The following KCNIP4 variants were observed in gnomAD, a reference collection of about 807,000 sequenced individuals.
KCNIP4 encodes the protein potassium voltage-gated channel interacting protein 4.
In KCNIP4, 12 loss-of-function variants were observed where a neutral mutation model predicts 34.0. The ratio of observed to expected loss-of-function variants is 0.35; its 90% CI spans 0.23 to 0.57. The LOEUF is 0.57. Among genes scored for constraint, KCNIP4 ranks in the 20% least tolerant of loss-of-function variants. KCNIP4 has a pLI of 0.83. For missense variants in KCNIP4, 238 were observed against 311.7 expected (o/e 0.76, Z 1.78); for synonymous variants, 124 against 102.2 (o/e 1.21, Z -1.29).
At chr4:21,497,695 C>T (rs6841093) in intron 1 of KCNIP4, among the ~76,000 whole-genome samples, 32,046 of 152,030 alleles carry the variant, frequency 0.21, 3,742 homozygotes, top group Non-Finnish European at 0.28. Flanking sequence ...ACCTTCAAAA[C>T]GGATGCCATA....
chr4:21,643,011 G>A (rs1746724466), intron 1 of KCNIP4, among the ~76,000 whole-genome samples: 1 of 152,108 alleles, frequency 6.6e-6, no homozygotes, highest in Non-Finnish European at 1.5e-5. Flanking sequence ...ATAAATAACT[G>A]TAACCTATTG....
intron 1 of KCNIP4, among the ~76,000 whole-genome samples, chr4:21,753,245 T>G (rs954384541): frequency 1.9e-4 from 29 of 152,302 alleles, no homozygotes; most frequent in Admixed American, 1.3e-4. Context: ...AAAAAAAATG[T>G]TCACTAAGTA....
chr4:21,359,564 C>T (rs531742778), intron 1 of KCNIP4, among the ~76,000 whole-genome samples: 85 of 152,186 alleles, frequency 5.6e-4, no homozygotes, highest in African/African-American at 2.0e-3. Flanking sequence ...AAACACTGTA[C>T]CCTGGTTCTC....
intron 1 of KCNIP4, among the ~76,000 whole-genome samples, chr4:21,761,818 T>C (rs975298971): frequency 6.6e-6 from 1 of 152,082 alleles, no homozygotes; most frequent in South Asian, 2.1e-4. Context: ...AAATTGCAAA[T>C]GACCTAAATG....
chr4:21,100,513 A>G (rs1257683534), intron 1 of KCNIP4, among the ~76,000 whole-genome samples: 4 of 152,118 alleles, frequency 2.6e-5, no homozygotes, highest in African/African-American at 4.8e-5. Flanking sequence ...AGATTGCACT[A>G]CTGCATTTCA....
At chr4:21,895,530 A>G (rs1560794265) in intron 1 of KCNIP4, among the ~76,000 whole-genome samples, 1 of 152,172 alleles carries the variant, frequency 6.6e-6, no homozygotes, top group Non-Finnish European at 1.5e-5. Context: ...ATGATAATAA[A>G]TCCTATTTAG....
rs1289789694 is a variant in KCNIP4 at position 20,729,832 on chromosome 4, A to ACTT, written c.*247_*249dup. 1.6e-4 allele frequency: 60 copies of ACTT among 371,442 alleles called. No individual in the cohort carries two copies. Among genetic ancestry groups the ACTT allele is most frequent in the Non-Finnish European group, 2.5e-4 (52 of 208,220 alleles). The allele number at this position is 371,442 out of a possible 1,614,324, so 23.0% of individuals were successfully genotyped here. The stretch of plus-strand genomic sequence containing the variant: ...ATAAAACTATATGCCAGATTCTATT[A>ACTT]CTTTTGAATATTCACAGAGTATGAA... On this transcript the variant is annotated 3_prime_UTR_variant, in exon 9 of 9. Coordinates refer to ENST00000382152, the MANE Select transcript of KCNIP4 (RefSeq NM_025221.6).
At chr4:21,005,817 C>G (rs1034879375) in intron 1 of KCNIP4, among the ~76,000 whole-genome samples, 1 of 152,080 alleles carries the variant, frequency 6.6e-6, no homozygotes, top group Admixed American at 6.6e-5. Flanking sequence ...GTCTCAAATA[C>G]CTTCTTATTT....
At chr4:20,802,225 C>CTATATAT (rs1714385881) in intron 3 of KCNIP4, among the ~76,000 whole-genome samples, 29 of 49,020 alleles carry the variant, frequency 5.9e-4, no homozygotes, top group African/African-American at 1.7e-3. Flanking sequence ...ATATGCTATA[C>CTATATAT]ATATGCTACA....
chr4:21,680,040 ACT>A (rs1489752070), intron 1 of KCNIP4, among the ~76,000 whole-genome samples: 2 of 152,092 alleles, frequency 1.3e-5, no homozygotes, highest in African/African-American at 4.8e-5. Flanking sequence ...ATATTGATTG[ACT>A]CTTTCATCAA....
intron 1 of KCNIP4, among the ~76,000 whole-genome samples, chr4:21,894,283 C>T (rs1402756598): frequency 2.0e-5 from 3 of 151,798 alleles, no homozygotes; most frequent in Non-Finnish European, 4.4e-5. Flanking sequence ...TGAAGTGAGC[C>T]GAGATTGAGC....
chr4:20,773,831 C>T (rs1340669564), intron 3 of KCNIP4, among the ~76,000 whole-genome samples: 2 of 152,114 alleles, frequency 1.3e-5, no homozygotes, highest in African/African-American at 4.8e-5. Context: ...ATTTGGTGTA[C>T]GTCAGTCTGA....
chr4:21,330,073 G>C (rs1715478101), intron 1 of KCNIP4, among the ~76,000 whole-genome samples: 1 of 152,122 alleles, frequency 6.6e-6, no homozygotes, highest in Non-Finnish European at 1.5e-5. Context: ...CTTTAGTCTA[G>C]TATATCTAAT....
intron 1 of KCNIP4, among the ~76,000 whole-genome samples, chr4:21,547,232 G>A (rs543510357): frequency 4.1e-4 from 63 of 152,136 alleles, no homozygotes; most frequent in South Asian, 1.9e-3. Flanking sequence ...TAAATACTTG[G>A]AATTGCAAGC....
intron 1 of KCNIP4, among the ~76,000 whole-genome samples, chr4:21,044,309 C>T (rs1742237103): frequency 6.6e-6 from 1 of 151,934 alleles, no homozygotes; most frequent in Non-Finnish European, 1.5e-5. Context: ...TCCCTTTCCC[C>T]CACAATTTTT....
chr4:21,869,727 GAGAT>G (rs71193417), intron 1 of KCNIP4, among the ~76,000 whole-genome samples: 42,081 of 143,356 alleles, frequency 0.29, 6,555 homozygotes, highest in Non-Finnish European at 0.31. Context: ...GAGAGATAAG[GAGAT>G]AGATAGATAG....
rs1753195550 is a variant in KCNIP4 at position 20,749,546 on chromosome 4, G to A, written c.429+116C>T. ...TTGGCAATTACATGAGAGAAAGGGA[G>A]TGTCCTTGGGCTTTCTTTCCCCTGA... is the stretch of plus-strand genomic sequence containing the variant. On this transcript the variant is annotated intron_variant, in intron 5 of 8. Coordinates refer to ENST00000382152, the MANE Select transcript of KCNIP4 (RefSeq NM_025221.6). The A allele has an allele frequency of 5.0e-6, 3 of 604,494 alleles. 1 individual carries two copies. In the South Asian group the frequency reaches 7.8e-5, roughly 16 times the overall value. The allele number at this position is 604,494 out of a possible 1,614,324, so 37.4% of individuals were successfully genotyped here.
chr4:21,899,587 G>A (rs576645453), intron 1 of KCNIP4, among the ~76,000 whole-genome samples: 31 of 152,104 alleles, frequency 2.0e-4, no homozygotes, highest in East Asian at 5.8e-4. Context: ...AAAATTCAGC[G>A]AAGTTGCAGG....
In KCNIP4 at chr4:21,419,482, G is replaced by A. The variant is rs554580671; in HGVS notation, c.61+529089C>T. Among the ~76,000 whole-genome samples the A allele has an allele frequency of 1.8e-3, 281 of 152,110 alleles. 1 individual carries two copies. Among genetic ancestry groups the A allele is most frequent in the African/African-American group, 6.5e-3 (270 of 41,480 alleles). On this transcript the variant is annotated intron_variant, in intron 1 of 8. Coordinates refer to ENST00000382152, the MANE Select transcript of KCNIP4 (RefSeq NM_025221.6). Reference sequence around the variant, plus strand: ...TTATTAAGCTACTTGATTTTCAAAGGTGTTGCTTCTCCACCTATAACATAA... The same window carrying A: ...TTATTAAGCTACTTGATTTTCAAAGATGTTGCTTCTCCACCTATAACATAA...
Sources: allele counts gnomAD v4.1 joint callset (sites outside exome capture counted in the v4.1 genomes callset), GRCh38; gene constraint gnomAD v4.1.1; transcripts MANE v1.5; gene names NCBI Gene and HGNC (gene_info 2026-07-23, HGNC 2026-07-21).